Variants in SCN11A observed in about 807,000 individuals in gnomAD.
SCN11A encodes sodium channel protein type 11 subunit alpha.
Under a neutral mutation model 162.2 loss-of-function variants are expected in SCN11A, and 122 were observed. That is an observed-to-expected ratio of 0.75 (90% CI 0.65 to 0.87). The LOEUF (loss-of-function observed/expected upper bound fraction) is 0.87. SCN11A is among the 40% of genes least tolerant of loss of function. The pLI, the probability that SCN11A is intolerant of heterozygous loss-of-function variation, is 0.00. For synonymous variants in SCN11A, 758 were observed against 751.5 expected (o/e 1.01, Z -0.14); for missense variants, 2,015 against 2,181.6 (o/e 0.92, Z 1.52).
At chr3:39,036,850 G>A (rs994870257) in intron 1 of SCN11A, among the ~76,000 whole-genome samples, 2 of 152,178 alleles carry the variant, frequency 1.3e-5, no homozygotes, top group African/African-American at 4.8e-5. Flanking sequence ...GTGGAGAAAA[G>A]GGAACCCTCA....
At chr3:39,004,951 T>A (rs1386410089) in intron 2 of SCN11A, among the ~76,000 whole-genome samples, 1 of 152,204 alleles carries the variant, frequency 6.6e-6, no homozygotes, top group Non-Finnish European at 1.5e-5. Flanking sequence ...AGCTACTGCC[T>A]TAAAATCCGA....
chr3:39,021,962 A>G (rs1469586481), intron 2 of SCN11A, among the ~76,000 whole-genome samples: 1 of 152,114 alleles, frequency 6.6e-6, no homozygotes, highest in Non-Finnish European at 1.5e-5. Flanking sequence ...ACTAACCATG[A>G]TTAGGCTTTC....
intron 2 of SCN11A, among the ~76,000 whole-genome samples, chr3:38,987,295 TCTCTCTCTCA>T (rs1299961159): frequency 8.6e-6 from 1 of 116,494 alleles, no homozygotes; most frequent in African/African-American, 4.7e-5. Context: ...TCTCTCTCTC[TCTCTCTCTCA>T]CACACACACA....
chr3:38,879,886 T>C (rs1423593992), intron 23 of SCN11A, 64 bp downstream of exon 23: 1 of 1,341,312 alleles, frequency 7.5e-7, no homozygotes, highest in African/African-American at 1.5e-5. Context: ...AAAAGCAGCC[T>C]CCATATGATC....
chr3:38,876,074 G>T (rs748785307), intron 23 of SCN11A, among the ~76,000 whole-genome samples: 2 of 152,090 alleles, frequency 1.3e-5, no homozygotes, highest in Non-Finnish European at 2.9e-5. Flanking sequence ...ACAGCCAACC[G>T]ATCTTCGACA....
intron 7 of SCN11A, among the ~76,000 whole-genome samples, chr3:38,944,420 AG>A (rs1181321925): frequency 2.0e-5 from 3 of 150,826 alleles, no homozygotes; most frequent in Non-Finnish European, 4.4e-5. Context: ...TCCGCCTCCC[AG>A]GTTCATGCCA....
intron 7 of SCN11A, among the ~76,000 whole-genome samples, chr3:38,933,981 C>T (rs2066286481): frequency 6.6e-6 from 1 of 152,198 alleles, no homozygotes; most frequent in African/African-American, 2.4e-5. Context: ...AGAGAAAGGT[C>T]GGGTTACCCA....
At chr3:39,037,098 A>G (rs749388383) in intron 1 of SCN11A, among the ~76,000 whole-genome samples, 1 of 152,234 alleles carries the variant, frequency 6.6e-6, no homozygotes, top group Admixed American at 6.5e-5. Context: ...AGACAAGTGG[A>G]TAAAGAAAAT....
Position 38,850,723 on chromosome 3 carries a change from A to G in SCN11A, c.4085T>C (p.Ile1362Thr), listed in dbSNP as rs371448696. 6.2e-7 allele frequency: 1 copy of G among 1,611,594 alleles called. No individual in the cohort carries two copies. Among genetic ancestry groups the G allele is most frequent in the South Asian group, 1.1e-5 (1 of 90,516 alleles). The change falls in exon 29 of 30, where the codon ATA becomes ACA. Residue 1362 changes from isoleucine (I) to threonine (T), a missense_variant. Physicochemically the swap from Ile to Thr is moderately conservative, Grantham distance 89. Transcript: ENST00000302328. ...GATGTCAAAGATCTGGCTTGTGACT[A>G]TGTCGAACACGAGACCTTGACATTT... ...LNKCQGLVFD[I>T]VTSQIFDIII...
At chr3:38,925,586 A>G (rs1280194699) in intron 8 of SCN11A, 77 bp from the exon 9 acceptor site, 6 of 1,011,182 alleles carry the variant, frequency 5.9e-6, no homozygotes, top group East Asian at 2.5e-5. Context: ...AAAAGCCACA[A>G]GTAAGCTCAG....
intron 2 of SCN11A, among the ~76,000 whole-genome samples, chr3:39,006,880 T>A (rs73064245): frequency 0.1 from 15,796 of 151,736 alleles, 1,046 homozygotes; most frequent in East Asian, 0.22. Flanking sequence ...AAAGAAAAAA[T>A]TTTTAATTCA....
At chr3:38,939,875 C>G (rs1406936603) in intron 7 of SCN11A, among the ~76,000 whole-genome samples, 4 of 151,196 alleles carry the variant, frequency 2.6e-5, no homozygotes, top group Non-Finnish European at 4.4e-5. Flanking sequence ...TGCACTCCAG[C>G]CTGAGCGACA....
intron 13 of SCN11A, among the ~76,000 whole-genome samples, 155 bp downstream of exon 13, chr3:38,908,842 C>T (rs932599194): frequency 6.6e-6 from 1 of 152,128 alleles, no homozygotes; most frequent in Non-Finnish European, 1.5e-5. Context: ...GCAGCACAGC[C>T]ATTCTTCGAG....
chr3:38,969,695 A>G (rs1056372289), intron 2 of SCN11A, among the ~76,000 whole-genome samples: 1 of 152,184 alleles, frequency 6.6e-6, no homozygotes, highest in Non-Finnish European at 1.5e-5. Flanking sequence ...GTATTTCTGG[A>G]ACAAATTTAA....
chr3:38,959,453 G>A (rs551143448), intron 3 of SCN11A, among the ~76,000 whole-genome samples: 3 of 152,058 alleles, frequency 2.0e-5, no homozygotes, highest in African/African-American at 7.3e-5. Flanking sequence ...GTCAAGAGGA[G>A]AAAGCCTCAC....
Position 38,891,912 on chromosome 3 carries a change from A to T in SCN11A, c.2835+2621T>A, listed in dbSNP as rs1434389402. Among the ~76,000 whole-genome samples the T allele has an allele frequency of 2.6e-5, 4 of 152,190 alleles. No homozygotes were observed. The East Asian group carries it at 7.7e-4, about 29-fold the overall frequency. ...TTAGAGGACACATTCAAATCCTAGC[A>T]CTCCACATCTAAGAAGCCCAATGAA... On this transcript the variant is annotated intron_variant, in intron 19 of 29. Transcript: ENST00000302328.
Position 38,934,802 on chromosome 3 carries a change from A to G in SCN11A, c.489-7871T>C, listed in dbSNP as rs539963318. On this transcript the variant is annotated intron_variant, in intron 7 of 29. Transcript: ENST00000302328. ...TGGGAGACTTTAACACCCCACTGTC[A>G]ACCTTAGACAGATCAACGAGACAGA... 2.2e-4 allele frequency among the ~76,000 whole-genome samples: 33 copies of G among 152,234 alleles called. No homozygotes were observed. In the South Asian group the frequency reaches 6.8e-3, roughly 32 times the overall value.
intron 15 of SCN11A, among the ~76,000 whole-genome samples, chr3:38,904,490 G>A (rs910532774): frequency 1.1e-4 from 16 of 152,054 alleles, no homozygotes; most frequent in Non-Finnish European, 2.1e-4. Context: ...GAGGCAAAAG[G>A]GGCAACCAGG....
intron 3 of SCN11A, among the ~76,000 whole-genome samples, chr3:38,959,240 C>T (rs528841566): frequency 6.6e-6 from 1 of 152,290 alleles, no homozygotes; most frequent in Admixed American, 6.5e-5. Context: ...GGCATGATTA[C>T]ATCATCCCCA....
Sources: allele counts gnomAD v4.1 joint callset (sites outside exome capture counted in the v4.1 genomes callset), GRCh38; gene constraint gnomAD v4.1.1; transcripts MANE v1.5; gene names NCBI Gene and HGNC (gene_info 2026-07-23, HGNC 2026-07-21).